ANKRD52: variants seen among roughly 807,000 people sequenced by gnomAD.
The protein encoded by ANKRD52 is ankyrin repeat domain 52.
Under a neutral mutation model 116.0 loss-of-function variants are expected in ANKRD52, and 7 were observed. The observed-to-expected ratio is 0.06, with a 90% CI of 0.03 to 0.11. The LOEUF is 0.11. Among genes scored for constraint, ANKRD52 ranks in the 10% least tolerant of loss-of-function variants. The pLI, the probability that ANKRD52 is intolerant of heterozygous loss-of-function variation, is 1.00. For missense variants in ANKRD52, 839 were observed against 1,408.6 expected, an observed-to-expected ratio of 0.60 and a Z score of 6.47; for synonymous variants, 528 against 578.1, an observed-to-expected ratio of 0.91 and a Z score of 1.24.
chr12:56,244,244 T>G lies in ANKRD52; in HGVS notation c.2805+109A>C, dbSNP rs1029663453. 6.6e-6 allele frequency: 10 copies of G among 1,521,222 alleles called. No individual in the cohort carries two copies. The highest frequency in any genetic ancestry group is 1.4e-5 in the African/African-American group (1 of 72,902). 94.2% of individuals were successfully genotyped at this position (1,521,222 alleles called of 1,614,324 possible). A position where few individuals can be genotyped will look rare whatever the true frequency, so the allele number is the denominator to read the frequency against. On this transcript the variant is annotated intron_variant, in intron 25 of 27. Transcript: ENST00000267116. This position sits in a 1 kb window ranked among gnomAD's most constrained non-coding sequence, Gnocchi z 4.9. ...ACAAACAGCTGCCCAACCAGTCGGATAGGCTGGACAATCCTCACTTCTGCC... is the reference window on the plus strand; with the variant it reads ...ACAAACAGCTGCCCAACCAGTCGGAGAGGCTGGACAATCCTCACTTCTGCC...
At position 56,258,265 on chromosome 12, in the gene ANKRD52, C is replaced by T; in HGVS notation, c.5G>A (p.Gly2Glu). Reference sequence around the variant, plus strand: ...GACCTGGTCCGTGATGCTGAGGATCCCCATGGCTCGGCCCGGGCTCCGTCC... The same window carrying T: ...GACCTGGTCCGTGATGCTGAGGATCTCCATGGCTCGGCCCGGGCTCCGTCC... M[G>E]ILSITDQPPL... is the part of the protein sequence containing the mutation. Residue 2 changes from glycine (G) to glutamate (E), a missense_variant, in exon 1 of 28, where the codon GGG (glycine) becomes GAG (glutamate). Physicochemically the swap from Gly to Glu is moderately conservative, Grantham distance 98. This residue lies in a region of ANKRD52 where 287 missense variants were observed against 598.1 expected (regional missense o/e 0.48). Transcript: ENST00000267116. 6.3e-7 allele frequency: 1 copy of T among 1,595,720 alleles called. No homozygotes were observed. The highest frequency in any genetic ancestry group is 8.5e-7 in the Non-Finnish European group (1 of 1,172,988).
chr12:56,254,159 C>T lies in ANKRD52; in HGVS notation c.814G>A (p.Gly272Ser), dbSNP rs768535514. The stretch of plus-strand genomic sequence containing the variant: ...GCAGCCACATGCAGTGGCGTGAAGC[C>T]CTTGTCATTCGGCTGGTTGACATTG... ...GANVNQPNDKGFTPLHVAAVS... is the reference protein window; with the variant it reads ...GANVNQPNDKSFTPLHVAAVS... Residue 272 changes from glycine (G) to serine (S), a missense_variant, in exon 8 of 28, where the codon GGC becomes AGC. Gly to Ser is a moderately conservative substitution (Grantham distance 56). Around this residue, in one of 2 missense-constraint regions of ANKRD52, gnomAD observed 287 missense variants for 598.1 expected, o/e 0.48. Transcript: ENST00000267116. The surrounding 1 kb of genome is among the most constrained non-coding windows in gnomAD (Gnocchi z 4.6). 6.2e-7 allele frequency: 1 copy of T among 1,613,912 alleles called. No individual in the cohort carries two copies. The highest frequency in any genetic ancestry group is 1.7e-5 in the Admixed American group (1 of 60,002).
chr12:56,244,484 A>G lies in ANKRD52; in HGVS notation c.2723-49T>C. On this transcript the variant is annotated intron_variant, in intron 24 of 27. Transcript: ENST00000267116. This position sits in a 1 kb window ranked among gnomAD's most constrained non-coding sequence, Gnocchi z 4.9. ...GACTGACCCCTCCCTCCAGAGCAGT[A>G]GCCATCCTGGCTCTCCACTTTGCAT... The G allele has an allele frequency of 1.2e-6, 2 of 1,604,618 alleles. No homozygotes were observed. Among genetic ancestry groups the G allele is most frequent in the South Asian group, 1.1e-5 (1 of 90,698 alleles).
intron 22 of ANKRD52, 28 bp downstream of exon 22, chr12:56,245,075 A>G: frequency 1.9e-6 from 3 of 1,613,288 alleles, no homozygotes; most frequent in Non-Finnish European, 2.5e-6. Flanking sequence ...CCCTCGCGAG[A>G]AGGGCTGATG....
Position 56,257,830 on chromosome 12 carries a change from G to A in ANKRD52, c.109C>T (p.Leu37=). Residue 37 remains leucine, a splice_region_variant and synonymous_variant, in exon 2 of 28, where the codon CTG becomes TTG. Transcript: ENST00000267116. ...LLSQKENINV[L]DQERRTPLHA... is the part of the protein sequence containing the mutation. ...CATCCTCCCTGCTCCCAACTCACCAGCACATTGATGTTCTCCTTCTGCGAG... is the reference window on the plus strand; with the variant it reads ...CATCCTCCCTGCTCCCAACTCACCAACACATTGATGTTCTCCTTCTGCGAG... 3 of 1,613,758 alleles carry A rather than the reference G, an allele frequency of 1.9e-6. No individual in the cohort carries two copies. Among genetic ancestry groups the A allele is most frequent in the African/African-American group, 1.3e-5 (1 of 75,014 alleles).
In ANKRD52 at chr12:56,253,679, G is replaced by A. The variant is rs374163880; in HGVS notation, c.985+43C>T. ...CCTAGATTCTAGAAATGAGTTCCTTGGGGGAGGAGGGGATGAGAGCACAAA... is the reference window on the plus strand; with the variant it reads ...CCTAGATTCTAGAAATGAGTTCCTTAGGGGAGGAGGGGATGAGAGCACAAA... On this transcript the variant is annotated intron_variant, in intron 9 of 27. Coordinates refer to ENST00000267116, the MANE Select transcript of ANKRD52 (RefSeq NM_173595.4). The surrounding 1 kb of genome is among the most constrained non-coding windows in gnomAD (Gnocchi z 5.5). The A allele has an allele frequency of 1.1e-5, 18 of 1,585,024 alleles. 1 individual carries two copies. The highest frequency in any genetic ancestry group is 1.8e-4 in the Middle Eastern group (1 of 5,682).
At position 56,256,958 on chromosome 12, in the gene ANKRD52, C is replaced by T. The variant is rs1274491; in HGVS notation, c.261+57G>A. 1,554,842 of 1,554,860 alleles carry T rather than the reference C, an allele frequency of 1. 777,412 individuals are homozygous for T. The highest frequency in any genetic ancestry group is 1 in the Middle Eastern group (5,256 of 5,256). ...GACTGAGGCTCCTTAACCCTTAACC[C>T]CCACCTTTAAGCAACTTATCCTTTT... On this transcript the variant is annotated intron_variant, in intron 4 of 27. Coordinates refer to ENST00000267116, the MANE Select transcript of ANKRD52 (RefSeq NM_173595.4).
In ANKRD52 at chr12:56,254,017, T is replaced by G. The variant is rs769642426; in HGVS notation, c.906+50A>C. 1 of 1,556,532 alleles carries G rather than the reference T, an allele frequency of 6.4e-7. No homozygotes were observed. Among genetic ancestry groups the G allele is most frequent in the East Asian group, 2.3e-5 (1 of 44,352 alleles). On this transcript the variant is annotated intron_variant, in intron 8 of 27. Transcript: ENST00000267116. This position sits in a 1 kb window ranked among gnomAD's most constrained non-coding sequence, Gnocchi z 4.6. Reference sequence around the variant, plus strand: ...GCTATCCAGATACAGTCAGGACCCCTAGATCCAAGTTTCGCTCCCCACTGG... The same window carrying G: ...GCTATCCAGATACAGTCAGGACCCCGAGATCCAAGTTTCGCTCCCCACTGG...
In ANKRD52 at chr12:56,244,298, T is replaced by G. The variant is rs1871294940; in HGVS notation, c.2805+55A>C. ...GTCCCCTCTGCAACCGAGACTTACC[T>G]CTCTTCATCAAGCTCTGCCCCTTAT... On this transcript the variant is annotated intron_variant, in intron 25 of 27. Coordinates refer to ENST00000267116, the MANE Select transcript of ANKRD52 (RefSeq NM_173595.4). This position sits in a 1 kb window ranked among gnomAD's most constrained non-coding sequence, Gnocchi z 4.9. 1 of 1,590,658 alleles carries G rather than the reference T, an allele frequency of 6.3e-7. No homozygotes were observed. The highest frequency in any genetic ancestry group is 1.3e-5 in the African/African-American group (1 of 74,396).
At position 56,248,437 on chromosome 12, in the gene ANKRD52, T is replaced by G. The variant is rs1193140097; in HGVS notation, c.1776+58A>C. On this transcript the variant is annotated intron_variant, in intron 17 of 27. Transcript: ENST00000267116. This position sits in a 1 kb window ranked among gnomAD's most constrained non-coding sequence, Gnocchi z 5.1. ...AACTTCACAAGTGCTGGCACCTTTG[T>G]TAGGGCCTGGGAACAGGTAGGACAA... 3 of 1,532,644 alleles carry G rather than the reference T, an allele frequency of 2.0e-6. No homozygotes were observed. The highest frequency in any genetic ancestry group is 2.7e-6 in the Non-Finnish European group (3 of 1,125,628). 94.9% of individuals were successfully genotyped at this position (1,532,644 alleles called of 1,614,324 possible).
At position 56,255,663 on chromosome 12, in the gene ANKRD52, G is replaced by T; in HGVS notation, c.462+121C>A. On this transcript the variant is annotated intron_variant, in intron 5 of 27. Coordinates refer to ENST00000267116, the MANE Select transcript of ANKRD52 (RefSeq NM_173595.4). The surrounding 1 kb of genome is among the most constrained non-coding windows in gnomAD (Gnocchi z 4.3). ...ATTCATTTAGTGCTTCAGCTTAAGT[G>T]TTTATATAACCATCCGGGCTGCTTC... The T allele has an allele frequency of 1.1e-6, 1 of 880,824 alleles. No individual in the cohort carries two copies. The highest frequency in any genetic ancestry group is 1.7e-6 in the Non-Finnish European group (1 of 578,076). 54.6% of individuals were successfully genotyped at this position (880,824 alleles called of 1,614,324 possible). A position where few individuals can be genotyped will look rare whatever the true frequency, so the allele number is the denominator to read the frequency against.
chr12:56,254,235 G>A lies in ANKRD52; in HGVS notation c.738C>T (p.Ala246=), dbSNP rs1234877787. ...NAFGNTALHI[A]CYLGQDAVAI... ...CCACAGCATCCTGGCCCAGGTAGCA[G>A]GCGATGTGCAAAGCTGTGTTTCCAA... The change falls in exon 8 of 28, where the codon GCC becomes GCT. Residue 246 remains alanine (A), a synonymous_variant. Transcript: ENST00000267116. The surrounding 1 kb of genome is among the most constrained non-coding windows in gnomAD (Gnocchi z 4.6). The A allele has an allele frequency of 6.2e-7, 1 of 1,613,958 alleles. No homozygotes were observed. Among genetic ancestry groups the A allele is most frequent in the Non-Finnish European group, 8.5e-7 (1 of 1,179,902 alleles).
chr12:56,245,298 C>A lies in ANKRD52; in HGVS notation c.2404+79G>T, dbSNP rs1871343011. 3.1e-6 allele frequency: 5 copies of A among 1,599,446 alleles called. No homozygotes were observed. In the South Asian group the frequency reaches 5.5e-5, roughly 18 times the overall value. On this transcript the variant is annotated intron_variant, in intron 21 of 27. Coordinates refer to ENST00000267116, the MANE Select transcript of ANKRD52 (RefSeq NM_173595.4). ...TTCCAGATTCAGATCAACCCAGGTC[C>A]CCCCCAACAACCCACCTGTCCCCCT...
At chr12:56,250,119 C>T (rs536166299) in intron 15 of ANKRD52, among the ~76,000 whole-genome samples, 3 of 152,262 alleles carry the variant, frequency 2.0e-5, no homozygotes, top group Admixed American at 2.0e-4. Context: ...ATCGCTTGAA[C>T]CCCGGAGGTA....
At position 56,255,941 on chromosome 12, in the gene ANKRD52, G is replaced by T; in HGVS notation, c.305C>A (p.Ala102Asp). Reference protein sequence around the residue: ...LLLAHSADVNARDKLWQTPLH... With the variant: ...LLLAHSADVNDRDKLWQTPLH... ...TGGTGTCTGCCACAGCTTGTCCCGG[G>T]CATTCACATCTGCTGAATGTGCCAG... The change falls in exon 5 of 28, where the codon GCC becomes GAC. Residue 102 changes from alanine (A) to aspartate (D), a missense_variant. By Grantham distance (126) the Ala-to-Asp change is moderately radical (BLOSUM62 -2). Around this residue, in one of 2 missense-constraint regions of ANKRD52, gnomAD observed 287 missense variants for 598.1 expected, o/e 0.48. Coordinates refer to ENST00000267116, the MANE Select transcript of ANKRD52 (RefSeq NM_173595.4). This position sits in a 1 kb window ranked among gnomAD's most constrained non-coding sequence, Gnocchi z 4.3. 6.3e-7 allele frequency: 1 copy of T among 1,575,576 alleles called. No homozygotes were observed.
intron 4 of ANKRD52, among the ~76,000 whole-genome samples, chr12:56,256,199 G>C (rs1212635747): frequency 6.6e-6 from 1 of 152,078 alleles, no homozygotes; most frequent in Non-Finnish European, 1.5e-5. Flanking sequence ...ATTAAAACAA[G>C]GACCCTTTGC....
In ANKRD52 at chr12:56,248,480, A is replaced by T. The variant is rs1373245869; in HGVS notation, c.1776+15T>A. ...TAGGACAAGGAAGGCAACAGAAAAAAGACGTGGGACTCACAGCTAAGTGCA... is the reference window on the plus strand; with the variant it reads ...TAGGACAAGGAAGGCAACAGAAAAATGACGTGGGACTCACAGCTAAGTGCA... On this transcript the variant is annotated intron_variant, in intron 17 of 27. Transcript: ENST00000267116. This position sits in a 1 kb window ranked among gnomAD's most constrained non-coding sequence, Gnocchi z 5.1. 6.3e-7 allele frequency: 1 copy of T among 1,585,912 alleles called. No individual in the cohort carries two copies. The highest frequency in any genetic ancestry group is 2.3e-5 in the East Asian group (1 of 43,632).
chr12:56,248,055 C>A lies in ANKRD52; in HGVS notation c.1946G>T (p.Arg649Leu), dbSNP rs755787647. 1.2e-6 allele frequency: 2 copies of A among 1,608,824 alleles called. No individual in the cohort carries two copies. Among genetic ancestry groups the A allele is most frequent in the African/African-American group, 1.3e-5 (1 of 74,934 alleles). Reference sequence around the variant, plus strand: ...GTGCAGGGGTGTCCACTTGCGCTTGCGCTCCTTGATGAGGGCAGAGGCGCC... The same window carrying A: ...GTGCAGGGGTGTCCACTTGCGCTTGAGCTCCTTGATGAGGGCAGAGGCGCC... ...AHGASALIKE[R>L]KRKWTPLHAA... Residue 649 changes from arginine to leucine, a missense_variant, in exon 18 of 28, where the codon CGC becomes CTC. Physicochemically the swap from Arg to Leu is moderately radical, Grantham distance 102. This residue lies in a region of ANKRD52 where 552 missense variants were observed against 810.6 expected (regional missense o/e 0.68). Transcript: ENST00000267116. This position sits in a 1 kb window ranked among gnomAD's most constrained non-coding sequence, Gnocchi z 5.1.
rs1935591007 is a variant in ANKRD52, at chr12:56,243,549, G to A, written c.2981-157C>T. 6.6e-6 allele frequency among the ~76,000 whole-genome samples: 1 copy of A among 152,186 alleles called. No homozygotes were observed. The highest frequency in any genetic ancestry group is 1.5e-5 in the Non-Finnish European group (1 of 68,014). ...GACGAGGGCCCAGGAAGGCTGACAG[G>A]CAGATTCTCTAAGTACGGGTTAAAG... On this transcript the variant is annotated intron_variant, in intron 27 of 27. Coordinates refer to ENST00000267116, the MANE Select transcript of ANKRD52 (RefSeq NM_173595.4). The surrounding 1 kb of genome is among the most constrained non-coding windows in gnomAD (Gnocchi z 4.6).
Sources: allele counts gnomAD v4.1 joint callset (sites outside exome capture counted in the v4.1 genomes callset), GRCh38; gene constraint gnomAD v4.1.1; regional missense constraint gnomAD v4.1.1; non-coding constraint Gnocchi (gnomAD v3.1); transcripts MANE v1.5; gene names NCBI Gene and HGNC (gene_info 2026-07-23, HGNC 2026-07-21).